The following CEP85L variants were observed in gnomAD, a reference collection of about 807,000 sequenced individuals.
The protein encoded by CEP85L is centrosomal protein 85L.
In CEP85L, 60 loss-of-function variants were observed where a neutral mutation model predicts 100.3. That is an observed-to-expected ratio of 0.60 (90% CI 0.49 to 0.74). The LOEUF (loss-of-function observed/expected upper bound fraction) is 0.74, where lower values mean the gene tolerates loss of function less well. Among genes scored for constraint, CEP85L ranks in the 30% least tolerant of loss-of-function variants. The pLI is 0.00. For missense variants in CEP85L, 973 were observed against 936.2 expected (o/e 1.04, Z -0.51); for synonymous variants, 319 against 322.7 (o/e 0.99, Z 0.12).
At chr6:118,592,562 T>C (rs898422381) in intron 2 of CEP85L, among the ~76,000 whole-genome samples, 6 of 152,130 alleles carry the variant, frequency 3.9e-5, no homozygotes, top group Non-Finnish European at 5.9e-5. Flanking sequence ...AGTTTCAAAG[T>C]TGCAAAAACA....
At chr6:118,557,258 A>C (rs1252788098) in intron 3 of CEP85L, among the ~76,000 whole-genome samples, 1 of 152,208 alleles carries the variant, frequency 6.6e-6, no homozygotes, top group Non-Finnish European at 1.5e-5. Context: ...AATTTGTTGT[A>C]TGCATTTCCT....
intron 4 of CEP85L, among the ~76,000 whole-genome samples, 191 bp from the exon 5 acceptor site, chr6:118,511,606 A>G (rs887696165): frequency 6.6e-6 from 1 of 152,204 alleles, no homozygotes; most frequent in African/African-American, 2.4e-5. Context: ...GTATGCTTAG[A>G]AATTTTAAAA....
intron 10 of CEP85L, among the ~76,000 whole-genome samples, chr6:118,475,689 C>T (rs1773317897): frequency 6.6e-6 from 1 of 152,070 alleles, no homozygotes; most frequent in Non-Finnish European, 1.5e-5. Context: ...TGCTTGAGTT[C>T]TTTGGCTTCT....
At chr6:118,501,152 A>G (rs139372902) in intron 5 of CEP85L, among the ~76,000 whole-genome samples, 26 of 152,190 alleles carry the variant, frequency 1.7e-4, no homozygotes, top group Middle Eastern at 6.8e-3. Context: ...TTTCCCTCCT[A>G]CTTTGAGGAC....
At chr6:118,666,325 C>T (rs1776132898) in intron 1 of CEP85L, among the ~76,000 whole-genome samples, 1 of 152,146 alleles carries the variant, frequency 6.6e-6, no homozygotes, top group Non-Finnish European at 1.5e-5. Context: ...TAGTCTGCTA[C>T]AATTTTAAAT....
intron 1 of CEP85L, among the ~76,000 whole-genome samples, chr6:118,680,959 T>C (rs1050897409): frequency 1.3e-5 from 2 of 152,166 alleles, no homozygotes; most frequent in African/African-American, 2.4e-5. Flanking sequence ...AGGAGGAGTT[T>C]ACTGCTGCGC....
intron 2 of CEP85L, among the ~76,000 whole-genome samples, chr6:118,607,127 G>A (rs1422447693): frequency 6.6e-6 from 1 of 152,064 alleles, no homozygotes; most frequent in Non-Finnish European, 1.5e-5. Context: ...AGAGACATTA[G>A]CCACTCTGCT....
intron 2 of CEP85L, among the ~76,000 whole-genome samples, chr6:118,602,454 G>A (rs1314803699): frequency 6.6e-6 from 1 of 152,146 alleles, no homozygotes; most frequent in Non-Finnish European, 1.5e-5. Context: ...ATTGCAATGT[G>A]CCCAGAATTA....
At chr6:118,480,357 G>T in intron 9 of CEP85L, 39 bp downstream of exon 9, 1 of 1,104,822 alleles carries the variant, frequency 9.1e-7, no homozygotes, top group Non-Finnish European at 1.4e-6. Flanking sequence ...TATCCACATA[G>T]CATAGATTTC....
chr6:118,557,965 C>CTT (rs112347844), intron 3 of CEP85L, among the ~76,000 whole-genome samples: 32 of 140,962 alleles, frequency 2.3e-4, no homozygotes, highest in African/African-American at 6.7e-4. Context: ...TCTTTGTTGG[C>CTT]TTTTTTTTTT....
In CEP85L at chr6:118,574,397, G is replaced by C. The variant is rs541390323; in HGVS notation, c.233-8081C>G. Reference sequence around the variant, plus strand: ...AACCCTTCTCTCCTTTGTTCAATGTGCTCTTGCGATCGTTACTGACGCAGG... The same window carrying C: ...AACCCTTCTCTCCTTTGTTCAATGTCCTCTTGCGATCGTTACTGACGCAGG... On this transcript the variant is annotated intron_variant, in intron 2 of 12. Transcript: ENST00000368491. Among the ~76,000 whole-genome samples, 3 of 152,340 alleles carry C rather than the reference G, an allele frequency of 2.0e-5. No individual in the cohort carries two copies. The South Asian group carries it at 6.2e-4, about 32-fold the overall frequency.
At chr6:118,701,630 G>A (rs1355326241) in intron 1 of CEP85L, among the ~76,000 whole-genome samples, 1 of 152,212 alleles carries the variant, frequency 6.6e-6, no homozygotes, top group Non-Finnish European at 1.5e-5. Context: ...CTAGAAGGGA[G>A]AGGGAGAGAG....
chr6:118,552,418 A>G (rs1778602385), intron 3 of CEP85L, among the ~76,000 whole-genome samples: 1 of 152,052 alleles, frequency 6.6e-6, no homozygotes, highest in Non-Finnish European at 1.5e-5. Flanking sequence ...CAGGCCACCA[A>G]AAGTTTTCAG....
rs190451975 is a variant in CEP85L, at chr6:118,546,672, C to T, written c.1020+18857G>A. Among the ~76,000 whole-genome samples the T allele has an allele frequency of 3.9e-5, 6 of 152,214 alleles. No individual in the cohort carries two copies. The South Asian group carries it at 6.2e-4, about 16-fold the overall frequency. ...AAACAGACAGATCTGGATTTGAATC[C>T]TGTCTATTCTTTAGCAGCTGGTTAT... On this transcript the variant is annotated intron_variant, in intron 3 of 12. Transcript: ENST00000368491.
chr6:118,598,910 G>A (rs374142717), intron 2 of CEP85L, among the ~76,000 whole-genome samples: 19 of 152,262 alleles, frequency 1.2e-4, no homozygotes, highest in African/African-American at 4.6e-4. Context: ...GTTGGAGAGG[G>A]AAGTTATAGA....
At chr6:118,558,743 G>A in intron 3 of CEP85L, 1 of 638,642 alleles carries the variant, frequency 1.6e-6, no homozygotes, top group Non-Finnish European at 2.8e-6. Flanking sequence ...TGAGGAAGAT[G>A]AATTAGTGTA....
At chr6:118,696,678 TTTTTTGTTG>T (rs935688694) in intron 1 of CEP85L, among the ~76,000 whole-genome samples, 7 of 148,216 alleles carry the variant, frequency 4.7e-5, no homozygotes, top group African/African-American at 1.8e-4. Context: ...CTCCACAGAG[TTTTTTGTTG>T]TTGTTGTTGT....
At chr6:118,537,569 T>G (rs375928622) in intron 3 of CEP85L, 12 of 985,168 alleles carry the variant, frequency 1.2e-5, no homozygotes, top group Non-Finnish European at 1.3e-5. Flanking sequence ...TGAGTAAGGA[T>G]AGCAGGCATC....
intron 3 of CEP85L, chr6:118,559,531 A>G (rs1486841679): frequency 5.0e-6 from 1 of 200,728 alleles, no homozygotes; most frequent in African/African-American, 2.4e-5. Context: ...TATCAAAGTA[A>G]TAACACAAAT....
Sources: gnomAD v4.1 joint callset for allele counts (sites outside exome capture counted in the v4.1 genomes callset) on GRCh38, gnomAD v4.1.1 for gene constraint, MANE v1.5 for transcripts, NCBI Gene and HGNC (gene_info 2026-07-23, HGNC 2026-07-21) for gene names.